Variants in CDC25C observed in about 807,000 individuals in gnomAD.
The protein encoded by CDC25C is M-phase inducer phosphatase 3.
CDC25C carries 48 observed loss-of-function variants against 52.5 expected under a neutral mutation model. That is an observed-to-expected ratio of 0.91 (90% CI 0.72 to 1.16). The LOEUF is 1.16. Ranked by LOEUF, CDC25C falls within the 50% of genes most tolerant of loss-of-function variation. CDC25C has a pLI of 0.00. For synonymous variants in CDC25C, 187 were observed against 206.5 expected, an observed-to-expected ratio of 0.91 and a Z score of 0.81; for missense variants, 510 against 566.1, an observed-to-expected ratio of 0.90 and a Z score of 1.01.
At chr5:138,300,287 G>T (rs1757533824) in intron 7 of CDC25C, among the ~76,000 whole-genome samples, 2 of 152,136 alleles carry the variant, frequency 1.3e-5, no homozygotes, top group African/African-American at 4.8e-5. Context: ...TAAAATAAAT[G>T]ACAAAAACCA....
At chr5:138,328,432 T>A in intron 4 of CDC25C, 52 bp downstream of exon 4, 1 of 1,528,638 alleles carries the variant, frequency 6.5e-7, no homozygotes, top group South Asian at 1.1e-5. Flanking sequence ...AAAATCTCTA[T>A]GACCAGTGCT....
At chr5:138,306,471 T>G (rs1758007452) in intron 7 of CDC25C, among the ~76,000 whole-genome samples, 1 of 151,926 alleles carries the variant, frequency 6.6e-6, no homozygotes, top group Admixed American at 6.6e-5. Flanking sequence ...TTCCGTTTAT[T>G]ATTATTATTA....
At chr5:138,305,266 G>C (rs570959172) in intron 7 of CDC25C, among the ~76,000 whole-genome samples, 3 of 152,164 alleles carry the variant, frequency 2.0e-5, no homozygotes, top group Non-Finnish European at 4.4e-5. Context: ...TTCATCACCC[G>C]ATTCTTAACC....
At chr5:138,315,967 C>A (rs1758837114) in intron 7 of CDC25C, among the ~76,000 whole-genome samples, 1 of 152,338 alleles carries the variant, frequency 6.6e-6, no homozygotes, top group African/African-American at 2.4e-5. Flanking sequence ...TGGAGCTACA[C>A]AAACTGCAGC....
At chr5:138,310,846 G>A (rs1379667674) in intron 7 of CDC25C, among the ~76,000 whole-genome samples, 2 of 152,128 alleles carry the variant, frequency 1.3e-5, no homozygotes, top group East Asian at 3.8e-4. Flanking sequence ...GGTCAGATAG[G>A]GTTAGTTATC....
At chr5:138,317,701 A>AC (rs200074860) in intron 7 of CDC25C, among the ~76,000 whole-genome samples, 4,874 of 149,540 alleles carry the variant, frequency 0.033, 145 homozygotes, top group Non-Finnish European at 0.054. Flanking sequence ...AAAAAAAAAA[A>AC]AAAAAACCAA....
chr5:138,286,758 G>T, intron 11 of CDC25C, 128 bp from the exon 12 acceptor site: 1 of 783,266 alleles, frequency 1.3e-6, no homozygotes, highest in East Asian at 2.7e-5. Context: ...CACCTTTAGG[G>T]CAGGGGTCTA....
intron 6 of CDC25C, among the ~76,000 whole-genome samples, chr5:138,320,812 AGG>A: frequency 6.9e-6 from 1 of 144,044 alleles, no homozygotes; most frequent in African/African-American, 2.5e-5. Flanking sequence ...GCTACTAGGG[AGG>A]TTAAGGCATA....
rs573211192 is a variant in CDC25C at position 138,306,906 on chromosome 5, C to T, written c.615+12313G>A. ...TTGCCCATGCTGGAGTGCAGCGGCA[C>T]GATCTCAGCTCACTGCAATCTCTGC... is the stretch of plus-strand genomic sequence containing the variant. On this transcript the variant is annotated intron_variant, in intron 7 of 13. Coordinates refer to ENST00000323760, the MANE Select transcript of CDC25C (RefSeq NM_001790.5). Among the ~76,000 whole-genome samples, 36 of 151,872 alleles carry T rather than the reference C, an allele frequency of 2.4e-4. 1 individual carries two copies. The highest frequency in any genetic ancestry group is 8.0e-4 in the African/African-American group (33 of 41,418).
rs995648050 is a variant in CDC25C at position 138,330,224 on chromosome 5, T to G, written c.195-577A>C. On this transcript the variant is annotated intron_variant, in intron 2 of 13. Transcript: ENST00000323760. The stretch of plus-strand genomic sequence containing the variant: ...TTTTTTTTTTAAATGAGGCCCAGAG[T>G]TTATTGGCCGAGGGGGATCTTGACT... Among the ~76,000 whole-genome samples, 12 of 151,432 alleles carry G rather than the reference T, an allele frequency of 7.9e-5. No homozygotes were observed. The South Asian group carries it at 2.3e-3, about 29-fold the overall frequency.
intron 7 of CDC25C, among the ~76,000 whole-genome samples, chr5:138,311,534 A>G (rs531955028): frequency 1.7e-4 from 26 of 152,266 alleles, no homozygotes; most frequent in African/African-American, 5.3e-4. Flanking sequence ...GTTTGAAGTT[A>G]CAGTGAGCTA....
chr5:138,286,125 C>T lies in CDC25C; in HGVS notation c.1169G>A (p.Cys390Tyr), dbSNP rs1204725159. ...CAGAGACCTGTCCTCTTCACGCAGA[C>T]AGCGGCACCTTTAGAGAGAACCCAG... ...SSERGPRMCR[C>Y]LREEDRSLNQ... The change falls in exon 13 of 14, where the codon TGT becomes TAT. Residue 390 changes from cysteine (C) to tyrosine (Y), a missense_variant. Cys to Tyr is a radical substitution (Grantham distance 194). Transcript: ENST00000323760. The T allele has an allele frequency of 3.1e-6, 5 of 1,613,234 alleles. No homozygotes were observed. The highest frequency in any genetic ancestry group is 4.2e-6 in the Non-Finnish European group (5 of 1,179,424).
At chr5:138,303,277 G>C (rs1757768001) in intron 7 of CDC25C, among the ~76,000 whole-genome samples, 1 of 152,154 alleles carries the variant, frequency 6.6e-6, no homozygotes, top group Non-Finnish European at 1.5e-5. Context: ...TTACAAAGGA[G>C]TTCTAAGACC....
At chr5:138,291,542 C>T (rs978148186) in intron 8 of CDC25C, among the ~76,000 whole-genome samples, 1 of 151,862 alleles carries the variant, frequency 6.6e-6, no homozygotes. Context: ...CCTCAGCCTC[C>T]TGAGTAGCCG....
chr5:138,326,554 G>A (rs1759874180), intron 4 of CDC25C, among the ~76,000 whole-genome samples: 1 of 152,018 alleles, frequency 6.6e-6, no homozygotes, highest in South Asian at 2.1e-4. Context: ...TGTTAGCCAG[G>A]ACGGTCTTGA....
intron 7 of CDC25C, among the ~76,000 whole-genome samples, chr5:138,312,031 A>G (rs1167109646): frequency 6.6e-6 from 1 of 152,234 alleles, no homozygotes; most frequent in Non-Finnish European, 1.5e-5. Context: ...GATGGATAGT[A>G]TCAAAATCAG....
At chr5:138,292,605 G>T (rs1756841411) in intron 7 of CDC25C, among the ~76,000 whole-genome samples, 1 of 149,148 alleles carries the variant, frequency 6.7e-6, no homozygotes, top group Non-Finnish European at 1.5e-5. Flanking sequence ...AATAGCAAAA[G>T]AAGCATCATG....
chr5:138,318,625 G>A (rs1759092618), intron 7 of CDC25C, among the ~76,000 whole-genome samples: 1 of 151,980 alleles, frequency 6.6e-6, no homozygotes, highest in Admixed American at 6.6e-5. Context: ...TGAGGCAGGA[G>A]AATCGCTTGA....
rs1759807413 is a variant in CDC25C, at chr5:138,325,840, C to T, written c.434G>A (p.Cys145Tyr). 1 of 1,612,788 alleles carries T rather than the reference C, an allele frequency of 6.2e-7. No individual in the cohort carries two copies. The highest frequency in any genetic ancestry group is 8.5e-7 in the Non-Finnish European group (1 of 1,178,736). ...DRGHRKRDAM[C>Y]SSSANKENDN... ...ATTTTCTTTATTTGCAGATGAACTA[C>T]ACATTGCATCTCTCTTTCTATGGCC... The change falls in exon 6 of 14, where the codon TGT (cysteine) becomes TAT (tyrosine). Residue 145 changes from cysteine (C) to tyrosine (Y), a missense_variant. Cys to Tyr is a radical substitution (Grantham distance 194, BLOSUM62 -2). Transcript: ENST00000323760.
Sources: gnomAD v4.1 joint callset for allele counts (sites outside exome capture counted in the v4.1 genomes callset) on GRCh38, gnomAD v4.1.1 for gene constraint, MANE v1.5 for transcripts, NCBI Gene and HGNC (gene_info 2026-07-23, HGNC 2026-07-21) for gene names.